The following PRKCSH variants were observed in gnomAD, a reference collection of about 807,000 sequenced individuals.
PRKCSH encodes the protein PRKCSH beta subunit of glucosidase II, also known as glucosidase 2 subunit beta.
PRKCSH carries 42 observed loss-of-function variants against 79.7 expected under a neutral mutation model. The ratio of observed to expected loss-of-function variants is 0.53; its 90% CI spans 0.41 to 0.68. The LOEUF is 0.68. Ranked by LOEUF, PRKCSH falls within the 30% of genes least tolerant of loss-of-function variation. The pLI is 0.00. For missense variants in PRKCSH, 686 were observed against 709.0 expected (o/e 0.97, Z 0.37); for synonymous variants, 325 against 288.2 (o/e 1.13, Z -1.29).
Position 11,436,114 on chromosome 19 carries a change from T to C in PRKCSH, c.-4T>C, listed in dbSNP as rs758214497. On this transcript the variant is annotated 5_prime_UTR_variant, in exon 2 of 18. Coordinates refer to ENST00000677123, the MANE Select transcript of PRKCSH (RefSeq NM_001289104.2). Reference sequence around the variant, plus strand: ...CCGTTTCGGGCCTCAGAGCGTCTGGTGAGATGCTGTTGCCGCTGCTGCTGC... The same window carrying C: ...CCGTTTCGGGCCTCAGAGCGTCTGGCGAGATGCTGTTGCCGCTGCTGCTGC... The C allele has an allele frequency of 1.1e-5, 18 of 1,607,432 alleles. No homozygotes were observed. Among genetic ancestry groups the C allele is most frequent in the Non-Finnish European group, 1.5e-5 (18 of 1,178,984 alleles).
Position 11,441,358 on chromosome 19 carries a change from G to A in PRKCSH, c.468+1G>A. 6.2e-7 allele frequency: 1 copy of A among 1,613,856 alleles called. No homozygotes were observed. The highest frequency in any genetic ancestry group is 8.5e-7 in the Non-Finnish European group (1 of 1,179,838). The stretch of plus-strand genomic sequence containing the variant: ...GAAGAAGGCACGGGAGGAGAAGCAG[G>A]TAAGGAACCCGCGGGGGCTGCCCCA... On this transcript the variant is annotated splice_donor_variant, in intron 6 of 17. Transcript: ENST00000677123. LOFTEE classifies it high-confidence loss of function.
chr19:11,450,066 G>C (rs1025190169), intron 17 of PRKCSH: 1 of 150,160 alleles, frequency 6.7e-6, no homozygotes, highest in Non-Finnish European at 1.5e-5. Flanking sequence ...GGTTGGTCTC[G>C]ATCTCCTGAC....
chr19:11,449,495 T>G lies in PRKCSH; in HGVS notation c.*16+67T>G, dbSNP rs1245729404. 3 of 1,589,740 alleles carry G rather than the reference T, an allele frequency of 1.9e-6. No individual in the cohort carries two copies. Among genetic ancestry groups the G allele is most frequent in the African/African-American group, 1.3e-5 (1 of 74,408 alleles). ...GGGAGGCGGCGGGCCCTGAGGAAGA[T>G]GGACCCACATGGCCACTCTATCAAC... On this transcript the variant is annotated intron_variant, in intron 17 of 17. Coordinates refer to ENST00000677123, the MANE Select transcript of PRKCSH (RefSeq NM_001289104.2). The surrounding 1 kb of genome is among the most constrained non-coding windows in gnomAD (Gnocchi z 6.4).
chr19:11,450,431 C>T (rs1259972417), intron 17 of PRKCSH: 1 of 151,730 alleles, frequency 6.6e-6, no homozygotes. Flanking sequence ...GAGCCAAGAT[C>T]ATGCTACTGC....
intron 7 of PRKCSH, among the ~76,000 whole-genome samples, chr19:11,443,321 G>GAGAATCGCTGGAACCCGGGAGA (rs1970150703): frequency 6.6e-6 from 1 of 152,074 alleles, no homozygotes. Context: ...GCTGAGGCAG[G>GAGAATCGCTGGAACCCGGGAGA]CAGATCACGA....
In PRKCSH at chr19:11,447,104, G is replaced by A. The variant is rs759778147; in HGVS notation, c.793G>A (p.Ala265Thr). The part of the protein sequence containing the change: ...ALLSGDTQTD[A>T]TSFYDRVWAA... The stretch of plus-strand genomic sequence containing the variant: ...CCTCAGTGGGGACACACAGACAGAC[G>A]CCACCTCTTTCTACGACCGCGTCTG... The change falls in exon 10 of 18, where the codon GCC becomes ACC. Residue 265 changes from alanine (A) to threonine (T), a missense_variant. Physicochemically the swap from Ala to Thr is moderately conservative, Grantham distance 58. Transcript: ENST00000677123. This position sits in a 1 kb window ranked among gnomAD's most constrained non-coding sequence, Gnocchi z 5.6. 6.2e-6 allele frequency: 10 copies of A among 1,613,952 alleles called. No individual in the cohort carries two copies. The highest frequency in any genetic ancestry group is 4.4e-5 in the South Asian group (4 of 91,084).
chr19:11,435,664 A>G lies in PRKCSH; in HGVS notation c.-120A>G, dbSNP rs779183635. On this transcript the variant is annotated 5_prime_UTR_variant, in exon 1 of 18. Coordinates refer to ENST00000677123, the MANE Select transcript of PRKCSH (RefSeq NM_001289104.2). ...CTGCAGCAGGAACCGCGGCTGCTGG[A>G]CAAGAGGGGTGCGGTGGATACTGAC... The G allele has an allele frequency of 4.6e-6, 6 of 1,296,950 alleles. No individual in the cohort carries two copies. The South Asian group carries it at 4.9e-5, about 11-fold the overall frequency. 80.3% of individuals were successfully genotyped at this position (1,296,950 alleles called of 1,614,324 possible).
Position 11,447,576 on chromosome 19 carries a change from G to A in PRKCSH, c.987G>A (p.Glu329=), listed in dbSNP as rs761372563. The change falls in exon 11 of 18, where the codon GAG becomes GAA. Residue 329 remains glutamate, a synonymous_variant. Transcript: ENST00000677123. The surrounding 1 kb of genome is among the most constrained non-coding windows in gnomAD (Gnocchi z 5.6). The part of the protein sequence containing the change: ...EEEEEEEAEE[E]EEEEDSEVQG... ...AGGAGGAAGAAGAGGCTGAAGAAGAGGAGGAGGAGGAGGATTCCGAGGTGC... is the reference window on the plus strand; with the variant it reads ...AGGAGGAAGAAGAGGCTGAAGAAGAAGAGGAGGAGGAGGATTCCGAGGTGC... The A allele has an allele frequency of 1.0e-5, 15 of 1,466,120 alleles. No individual in the cohort carries two copies. Among genetic ancestry groups the A allele is most frequent in the East Asian group, 7.2e-5 (3 of 41,816 alleles). 90.8% of individuals were successfully genotyped at this position (1,466,120 alleles called of 1,614,324 possible). A position where few individuals can be genotyped will look rare whatever the true frequency, so the allele number is the denominator to read the frequency against.
At chr19:11,438,192 C>A in intron 5 of PRKCSH, 68 bp downstream of exon 5, 1 of 1,527,184 alleles carries the variant, frequency 6.5e-7, no homozygotes, top group South Asian at 1.1e-5. Flanking sequence ...CCCAGTGAAT[C>A]GGGCCCACTC....
In PRKCSH at chr19:11,435,646, A is replaced by C. The variant is rs756231138; in HGVS notation, c.-138A>C. On this transcript the variant is annotated 5_prime_UTR_variant, in exon 1 of 18. Transcript: ENST00000677123. ...GAAATTTCCGCTTTCTTTCTGCAGC[A>C]GGAACCGCGGCTGCTGGACAAGAGG... The C allele has an allele frequency of 7.9e-7, 1 of 1,268,890 alleles. No individual in the cohort carries two copies. The highest frequency in any genetic ancestry group is 1.0e-6 in the Non-Finnish European group (1 of 969,188). 78.6% of individuals were successfully genotyped at this position (1,268,890 alleles called of 1,614,324 possible).
intron 7 of PRKCSH, among the ~76,000 whole-genome samples, chr19:11,443,199 G>A (rs529813510): frequency 1.3e-5 from 2 of 151,252 alleles, no homozygotes; most frequent in African/African-American, 4.9e-5. Flanking sequence ...GATCACCTGA[G>A]GTCAGGAGTT....
chr19:11,447,093 C>T lies in PRKCSH; in HGVS notation c.782C>T (p.Thr261Ile). The change falls in exon 10 of 18, where the codon ACA (threonine) becomes ATA (isoleucine). Residue 261 changes from threonine (T) to isoleucine (I), a missense_variant. Thr to Ile is a moderately conservative substitution (Grantham distance 89, BLOSUM62 -1). This residue lies in a region of PRKCSH where 549 missense variants were observed against 520.2 expected (regional missense o/e 1.06). Coordinates refer to ENST00000677123, the MANE Select transcript of PRKCSH (RefSeq NM_001289104.2). The surrounding 1 kb of genome is among the most constrained non-coding windows in gnomAD (Gnocchi z 5.6). ...ACACAGGCCCTCCTCAGTGGGGACA[C>T]ACAGACAGACGCCACCTCTTTCTAC... ...AEAQALLSGD[T>I]QTDATSFYDR... 6.2e-7 allele frequency: 1 copy of T among 1,614,024 alleles called. No homozygotes were observed. Among genetic ancestry groups the T allele is most frequent in the Non-Finnish European group, 8.5e-7 (1 of 1,179,890 alleles).
chr19:11,443,221 T>TGGCCA (rs1970145391), intron 7 of PRKCSH, among the ~76,000 whole-genome samples: 1 of 151,684 alleles, frequency 6.6e-6, no homozygotes. Context: ...GAGACCACCC[T>TGGCCA]GGCCAACATG....
chr19:11,446,624 C>T (rs1198516686), intron 9 of PRKCSH, among the ~76,000 whole-genome samples: 1 of 88,368 alleles, frequency 1.1e-5, no homozygotes, highest in East Asian at 3.5e-4. Context: ...CTGCCCTATT[C>T]CCCTCCTCCC....
intron 5 of PRKCSH, among the ~76,000 whole-genome samples, chr19:11,438,414 C>G (rs1969884711): frequency 6.6e-6 from 1 of 152,154 alleles, no homozygotes; most frequent in South Asian, 2.1e-4. Flanking sequence ...CATTGTCACG[C>G]TCTGCAGCAG....
intron 9 of PRKCSH, 62 bp downstream of exon 9, chr19:11,446,412 G>T: frequency 6.5e-7 from 1 of 1,547,016 alleles, no homozygotes; most frequent in Non-Finnish European, 8.8e-7. Flanking sequence ...GTGACCTCAG[G>T]GCACAGGAGG....
At position 11,448,120 on chromosome 19, in the gene PRKCSH, C is replaced by CAAAAT. The variant is rs1257682373; in HGVS notation, c.1127-101_1127-97dup. The CAAAAT allele has an allele frequency of 7.8e-7, 1 of 1,282,776 alleles. No homozygotes were observed. Among genetic ancestry groups the CAAAAT allele is most frequent in the Non-Finnish European group, 1.1e-6 (1 of 903,902 alleles). 79.5% of individuals were successfully genotyped at this position (1,282,776 alleles called of 1,614,324 possible). Reference sequence around the variant, plus strand: ...GTCGGGGTGAAGTCCTTGGCCAGAGCAAAATGAGGGTATGGGAGCACACAG... The same window carrying CAAAAT: ...GTCGGGGTGAAGTCCTTGGCCAGAGCAAAATAAAATGAGGGTATGGGAGCACACAG... On this transcript the variant is annotated intron_variant, in intron 12 of 17. Coordinates refer to ENST00000677123, the MANE Select transcript of PRKCSH (RefSeq NM_001289104.2). The surrounding 1 kb of genome is among the most constrained non-coding windows in gnomAD (Gnocchi z 4.4).
In PRKCSH at chr19:11,449,650, G is replaced by T; in HGVS notation, c.*16+222G>T. ...CTCTACCTCCCGGGTTCAAACAATT[G>T]TCTTGTCTCAGCCTCCCAAGTAGCT... On this transcript the variant is annotated intron_variant, in intron 17 of 17. Transcript: ENST00000677123. The surrounding 1 kb of genome is among the most constrained non-coding windows in gnomAD (Gnocchi z 6.4). The T allele has an allele frequency of 1.7e-6, 1 of 592,940 alleles. No individual in the cohort carries two copies. 36.7% of individuals were successfully genotyped at this position (592,940 alleles called of 1,614,324 possible).
intron 5 of PRKCSH, among the ~76,000 whole-genome samples, chr19:11,440,911 T>C (rs1970035418): frequency 6.6e-6 from 1 of 152,030 alleles, no homozygotes; most frequent in African/African-American, 2.4e-5. Flanking sequence ...GTGATCCTCC[T>C]GCCTTGGCCT....
Sources: gnomAD v4.1 joint callset for allele counts (sites outside exome capture counted in the v4.1 genomes callset) on GRCh38, gnomAD v4.1.1 for gene constraint, gnomAD v4.1.1 regional missense constraint, Gnocchi (gnomAD v3.1) non-coding constraint, MANE v1.5 for transcripts, NCBI Gene and HGNC (gene_info 2026-07-23, HGNC 2026-07-21) for gene names.